The following CNTRL variants were observed in gnomAD, a reference collection of about 807,000 sequenced individuals.
CNTRL encodes the protein centriolin.
A neutral mutation model predicts 303.7 loss-of-function variants in CNTRL; 233 were observed. That is an observed-to-expected ratio of 0.77 (90% CI 0.69 to 0.86). CNTRL has a LOEUF of 0.86. CNTRL is among the 40% of genes least tolerant of loss of function. The pLI is 0.00. For missense variants in CNTRL, 2,524 were observed against 2,650.6 expected (o/e 0.95, Z 1.05); for synonymous variants, 900 against 922.2 (o/e 0.98, Z 0.44).
At chr9:121,144,282 G>A (rs773666794) in intron 20 of CNTRL, among the ~76,000 whole-genome samples, 200 bp downstream of exon 20, 4 of 152,094 alleles carry the variant, frequency 2.6e-5, no homozygotes, top group Middle Eastern at 3.4e-3. Context: ...TGGATACTGC[G>A]TTCTACTGAG....
chr9:121,162,731 C>T (rs1309658603), intron 34 of CNTRL, among the ~76,000 whole-genome samples: 1 of 151,950 alleles, frequency 6.6e-6, no homozygotes, highest in African/African-American at 2.4e-5. Flanking sequence ...GGTATGACAC[C>T]AAAACAACTT....
intron 8 of CNTRL, among the ~76,000 whole-genome samples, chr9:121,110,329 A>G (rs1049705234): frequency 1.4e-4 from 21 of 152,196 alleles, no homozygotes; most frequent in African/African-American, 4.8e-4. Flanking sequence ...ATAATTTGAA[A>G]TGAATCAAGC....
At chr9:121,133,061 T>A (rs1588203140) in intron 14 of CNTRL, among the ~76,000 whole-genome samples, 1 of 152,206 alleles carries the variant, frequency 6.6e-6, no homozygotes, top group East Asian at 1.9e-4. Context: ...TGGCCCCTAC[T>A]GGGAGGTGTC....
chr9:121,100,314 C>A (rs192734905), intron 7 of CNTRL, among the ~76,000 whole-genome samples: 12,221 of 152,132 alleles, frequency 0.08, 1,139 homozygotes, highest in African/African-American at 0.22. Flanking sequence ...AACTAAGCTT[C>A]ATAAGTGAAG....
chr9:121,171,606 G>C, intron 40 of CNTRL, 58 bp downstream of exon 40: 2 of 1,551,842 alleles, frequency 1.3e-6, no homozygotes, highest in Non-Finnish European at 1.7e-6. Flanking sequence ...ACTGGGCTCA[G>C]GCAGATTGTA....
intron 23 of CNTRL, 89 bp downstream of exon 23, chr9:121,146,345 C>A: frequency 1.5e-6 from 2 of 1,310,894 alleles, no homozygotes; most frequent in Non-Finnish European, 2.1e-6. Flanking sequence ...TGAACAGGTA[C>A]CAAAAACAAC....
In CNTRL at chr9:121,160,199, G is replaced by T; in HGVS notation, c.4986G>T (p.Gln1662His). ...LSFQKGELNV[Q>H]ISERKTQLTL... ...TTCAGAAAGGAGAACTAAATGTTCA[G>T]ATTAGTGAAAGAAAAACTCAACTTA... is the stretch of plus-strand genomic sequence containing the variant. Residue 1662 changes from glutamine to histidine, a missense_variant, in exon 32 of 44, where the codon CAG (glutamine) becomes CAT (histidine). Coordinates refer to ENST00000373855, the MANE Select transcript of CNTRL (RefSeq NM_007018.6). The T allele has an allele frequency of 1.3e-6, 2 of 1,560,298 alleles. No homozygotes were observed. The highest frequency in any genetic ancestry group is 1.7e-6 in the Non-Finnish European group (2 of 1,159,478).
intron 13 of CNTRL, among the ~76,000 whole-genome samples, chr9:121,125,402 G>A (rs1358354845): frequency 6.6e-6 from 1 of 151,904 alleles, no homozygotes; most frequent in South Asian, 2.1e-4. Context: ...CTCATGATCC[G>A]CCTGCCTTGG....
intron 13 of CNTRL, among the ~76,000 whole-genome samples, chr9:121,125,207 A>G (rs973678218): frequency 2.5e-4 from 37 of 149,736 alleles, no homozygotes; most frequent in African/African-American, 8.4e-4. Context: ...TCGCTCTGTC[A>G]CCCAGGCTGG....
rs199989179 is a variant in CNTRL at position 121,112,456 on chromosome 9, T to C, written c.1003-3T>C. The C allele has an allele frequency of 2.4e-5, 38 of 1,610,214 alleles. No individual in the cohort carries two copies. The Admixed American group carries it at 3.2e-4, about 13-fold the overall frequency. ...GTTGTCTCATATCAAATTGGGCCAA[T>C]AGCTAAAACAGAAGACCATAGAATT... On this transcript the variant is annotated splice_polypyrimidine_tract_variant and splice_region_variant and intron_variant, in intron 8 of 43. Transcript: ENST00000373855.
intron 27 of CNTRL, among the ~76,000 whole-genome samples, 194 bp downstream of exon 27, chr9:121,155,107 T>C (rs2052497801): frequency 6.6e-6 from 1 of 152,190 alleles, no homozygotes; most frequent in South Asian, 2.1e-4. Context: ...CTGGCTTTGC[T>C]TTTCTTATCT....
At chr9:121,133,116 A>T (rs2050966609) in intron 14 of CNTRL, among the ~76,000 whole-genome samples, 1 of 152,246 alleles carries the variant, frequency 6.6e-6, no homozygotes, top group Middle Eastern at 3.2e-3. Flanking sequence ...TTGAGGAGGC[A>T]GTCTGTCCGT....
At chr9:121,076,349 GGA>G (rs2047924755) in intron 1 of CNTRL, among the ~76,000 whole-genome samples, 1 of 152,288 alleles carries the variant, frequency 6.6e-6, no homozygotes, top group Admixed American at 6.5e-5. Flanking sequence ...AAGAGAGATG[GGA>G]GAGGGGATTC....
intron 4 of CNTRL, 85 bp downstream of exon 4, chr9:121,090,490 C>G (rs918649555): frequency 6.3e-5 from 81 of 1,283,524 alleles, no homozygotes; most frequent in Non-Finnish European, 8.4e-5. Flanking sequence ...ATCCTAATGT[C>G]ACCTAATTTG....
chr9:121,123,848 C>T, intron 12 of CNTRL, 83 bp from the exon 13 acceptor site: 1 of 1,014,916 alleles, frequency 9.9e-7, no homozygotes, highest in Non-Finnish European at 1.3e-6. Context: ...TTCTATTCTT[C>T]CTTTAAAAAT....
Position 121,166,169 on chromosome 9 carries a change from C to A in CNTRL, c.5644C>A (p.Leu1882Ile), listed in dbSNP as rs369218805. 108 of 1,610,658 alleles carry A rather than the reference C, an allele frequency of 6.7e-5. 1 individual carries two copies. The South Asian group carries it at 9.4e-4, about 14-fold the overall frequency. The part of the protein sequence containing the change: ...ELANVQDHLN[L>I]AKQDLLHTTK... Reference sequence around the variant, plus strand: ...AGCTAATGTCCAAGACCATTTGAACCTAGCAAAACAGGTAAGGTTAACAAA... The same window carrying A: ...AGCTAATGTCCAAGACCATTTGAACATAGCAAAACAGGTAAGGTTAACAAA... Residue 1882 changes from leucine to isoleucine, a missense_variant, in exon 36 of 44, where the codon CTA (leucine) becomes ATA (isoleucine). Transcript: ENST00000373855.
chr9:121,087,984 C>A (rs1224712845), intron 2 of CNTRL, among the ~76,000 whole-genome samples: 1 of 152,160 alleles, frequency 6.6e-6, no homozygotes, highest in Non-Finnish European at 1.5e-5. Flanking sequence ...ATTCCAGCTT[C>A]CTGCATTCTA....
chr9:121,124,873 AG>A (rs1456035957), intron 13 of CNTRL, among the ~76,000 whole-genome samples: 2 of 147,292 alleles, frequency 1.4e-5, no homozygotes, highest in African/African-American at 5.0e-5. Context: ...GAGCTCAGGG[AG>A]GTTGAGGCTA....
At position 121,175,094 on chromosome 9, in the gene CNTRL, A is replaced by G. The variant is rs1369840750; in HGVS notation, c.6824A>G (p.His2275Arg). Residue 2275 changes from histidine (H) to arginine (R), a missense_variant, in exon 43 of 44, where the codon CAC becomes CGC. By Grantham distance (29) the His-to-Arg change is conservative. Coordinates refer to ENST00000373855, the MANE Select transcript of CNTRL (RefSeq NM_007018.6). Reference protein sequence around the residue: ...KGKRQTEGTLHSLRRQVDALG... With the variant: ...KGKRQTEGTLRSLRRQVDALG... ...AAGCGGCAGACAGAGGGCACTTTAC[A>G]CAGTTTGAGGAGACAAGTAGATGCT... is the stretch of plus-strand genomic sequence containing the variant. The G allele has an allele frequency of 1.9e-6, 3 of 1,613,916 alleles. No individual in the cohort carries two copies. The Admixed American group carries it at 5.0e-5, about 27-fold the overall frequency.
Sources: allele counts gnomAD v4.1 joint callset (sites outside exome capture counted in the v4.1 genomes callset), GRCh38; gene constraint gnomAD v4.1.1; transcripts MANE v1.5; gene names NCBI Gene and HGNC (gene_info 2026-07-23, HGNC 2026-07-21).